L3MBTL4: variants seen among roughly 807,000 people sequenced by gnomAD.
L3MBTL4 encodes the protein L3MBTL histone methyl-lysine binding protein 4, also known as lethal(3)malignant brain tumor-like protein 4.
In L3MBTL4, 70 loss-of-function variants were observed where a neutral mutation model predicts 84.5. The ratio of observed to expected loss-of-function variants is 0.83; its 90% CI spans 0.68 to 1.01. The LOEUF is 1.01. Ranked by LOEUF, L3MBTL4 falls within the 50% of genes least tolerant of loss-of-function variation. The pLI, the probability that L3MBTL4 is intolerant of heterozygous loss-of-function variation, is 0.00. For synonymous variants in L3MBTL4, 274 were observed against 259.8 expected, an observed-to-expected ratio of 1.05 and a Z score of -0.52; for missense variants, 715 against 754.8, an observed-to-expected ratio of 0.95 and a Z score of 0.62.
intron 1 of L3MBTL4, among the ~76,000 whole-genome samples, chr18:6,370,047 T>A (rs544517000): frequency 6.6e-6 from 1 of 150,528 alleles, no homozygotes; most frequent in Non-Finnish European, 1.5e-5. Context: ...GGCACGAGAA[T>A]TGCTTGAACC....
chr18:6,148,248 C>T (rs1187383322), intron 13 of L3MBTL4, among the ~76,000 whole-genome samples: 2 of 152,140 alleles, frequency 1.3e-5, no homozygotes, highest in African/African-American at 4.8e-5. Flanking sequence ...ATACCACAAC[C>T]ACTTAAATAC....
intron 14 of L3MBTL4, among the ~76,000 whole-genome samples, chr18:6,105,574 A>G (rs1178507223): frequency 6.6e-6 from 1 of 151,312 alleles, no homozygotes; most frequent in Non-Finnish European, 1.5e-5. Context: ...CAAGGCAGGC[A>G]GATCTCCTGA....
chr18:6,197,987 A>G (rs1351774580), intron 12 of L3MBTL4, among the ~76,000 whole-genome samples: 2 of 151,988 alleles, frequency 1.3e-5, no homozygotes, highest in African/African-American at 2.4e-5. Context: ...CTACTCATCC[A>G]CTTTCAGTGC....
At chr18:6,065,424 C>A (rs491894) in intron 16 of L3MBTL4, among the ~76,000 whole-genome samples, 19,968 of 151,996 alleles carry the variant, frequency 0.13, 2,625 homozygotes, top group African/African-American at 0.34. Flanking sequence ...AGAATTGGTA[C>A]CAATTCTTCT....
At chr18:6,079,913 T>A (rs1365021366) in intron 16 of L3MBTL4, 1 of 152,244 alleles carries the variant, frequency 6.6e-6, no homozygotes, top group African/African-American at 2.4e-5. Flanking sequence ...GAATCCAAAG[T>A]AATTCAACTG....
intron 14 of L3MBTL4, among the ~76,000 whole-genome samples, chr18:6,115,119 C>T (rs952913986): frequency 2.8e-4 from 43 of 152,126 alleles, no homozygotes; most frequent in Non-Finnish European, 1.5e-5. Flanking sequence ...TAGCACATTC[C>T]AGAGCTTGAG....
At chr18:6,261,678 C>T (rs528378360) in intron 5 of L3MBTL4, among the ~76,000 whole-genome samples, 201 of 152,306 alleles carry the variant, frequency 1.3e-3, no homozygotes, top group South Asian at 4.8e-3. Context: ...AGAAATCCCA[C>T]GTGTGTTCTT....
In L3MBTL4 at chr18:6,307,435, C is replaced by CA. The variant is rs10610609; in HGVS notation, c.72+4118dup. Among the ~76,000 whole-genome samples, 93 of 115,354 alleles carry CA rather than the reference C, an allele frequency of 8.1e-4. 1 individual carries two copies. The highest frequency in any genetic ancestry group is 1.3e-3 in the East Asian group (5 of 3,828). The allele number at this position is 115,354 out of a possible 152,430, so 75.7% of individuals were successfully genotyped here. ...CTGGTGACAGAGCAAGACTCCGTCT[C>CA]AAAAAAAAAAAAAAAAAAGTTATAT... On this transcript the variant is annotated intron_variant, in intron 3 of 18. Coordinates refer to ENST00000317931, the MANE Select transcript of L3MBTL4 (RefSeq NM_001330559.2).
chr18:5,980,029 T>C (rs1364677426), intron 16 of L3MBTL4, among the ~76,000 whole-genome samples: 1 of 152,206 alleles, frequency 6.6e-6, no homozygotes, highest in Non-Finnish European at 1.5e-5. Context: ...CTCACCCTGC[T>C]TGTCCCTGGC....
chr18:6,083,200 C>T (rs570718021), intron 15 of L3MBTL4, among the ~76,000 whole-genome samples: 46 of 152,216 alleles, frequency 3.0e-4, no homozygotes, highest in African/African-American at 1.0e-3. Flanking sequence ...ATGGAAGGCA[C>T]GGATAAAGGG....
At chr18:6,068,121 G>A (rs952903543) in intron 16 of L3MBTL4, among the ~76,000 whole-genome samples, 1 of 152,182 alleles carries the variant, frequency 6.6e-6, no homozygotes, top group Non-Finnish European at 1.5e-5. Flanking sequence ...GCTGGTTGCA[G>A]TAACCATGCA....
chr18:6,277,365 G>C (rs1007917975), intron 4 of L3MBTL4, among the ~76,000 whole-genome samples: 1 of 152,064 alleles, frequency 6.6e-6, no homozygotes, highest in Admixed American at 6.5e-5. Flanking sequence ...AAGGCCACTT[G>C]GGCAAGCATA....
At chr18:6,100,627 C>T (rs2058792284) in intron 14 of L3MBTL4, among the ~76,000 whole-genome samples, 1 of 152,188 alleles carries the variant, frequency 6.6e-6, no homozygotes, top group African/African-American at 2.4e-5. Context: ...GGCAGGCCTC[C>T]TTTCACACTG....
chr18:6,297,557 C>T (rs1201529995), intron 4 of L3MBTL4, among the ~76,000 whole-genome samples: 2 of 152,138 alleles, frequency 1.3e-5, no homozygotes, highest in Non-Finnish European at 2.9e-5. Context: ...AAAGTTTACT[C>T]AGAAATATCT....
intron 13 of L3MBTL4, among the ~76,000 whole-genome samples, chr18:6,143,993 C>A (rs186460577): frequency 2.6e-5 from 4 of 151,992 alleles, no homozygotes; most frequent in Non-Finnish European, 4.4e-5. Flanking sequence ...GTCAGGAGAT[C>A]GAGACTATCC....
At chr18:6,050,486 GT>G (rs1279148217) in intron 16 of L3MBTL4, among the ~76,000 whole-genome samples, 3 of 152,074 alleles carry the variant, frequency 2.0e-5, no homozygotes, top group Non-Finnish European at 2.9e-5. Flanking sequence ...TAAGAGCAAA[GT>G]TCCATAGTCT....
chr18:6,000,388 G>T (rs889140570), intron 16 of L3MBTL4, among the ~76,000 whole-genome samples: 3 of 144,912 alleles, frequency 2.1e-5, no homozygotes, highest in African/African-American at 8.7e-5. Context: ...AAGAAGTAGA[G>T]GAGAAAAATA....
intron 14 of L3MBTL4, among the ~76,000 whole-genome samples, chr18:6,112,876 C>T (rs1483825642): frequency 6.6e-6 from 1 of 152,118 alleles, no homozygotes; most frequent in Non-Finnish European, 1.5e-5. Context: ...CTTTAAGATG[C>T]ATGATTGATA....
At chr18:6,153,166 G>A (rs975864848) in intron 13 of L3MBTL4, among the ~76,000 whole-genome samples, 7 of 152,114 alleles carry the variant, frequency 4.6e-5, no homozygotes, top group African/African-American at 1.7e-4. Flanking sequence ...GGAATGTAAT[G>A]TCTCCAGCTT....
Sources: allele counts gnomAD v4.1 joint callset (sites outside exome capture counted in the v4.1 genomes callset), GRCh38; gene constraint gnomAD v4.1.1; transcripts MANE v1.5; gene names NCBI Gene and HGNC (gene_info 2026-07-23, HGNC 2026-07-21).